TRPM1: variants seen among roughly 807,000 people sequenced by gnomAD.
The protein encoded by TRPM1 is TRPM1-203 APA Isoform, Intron 10.
In TRPM1, 113 loss-of-function variants were observed where a neutral mutation model predicts 149.4. The ratio of observed to expected loss-of-function variants is 0.76; its 90% CI spans 0.65 to 0.88. The LOEUF is 0.88. Among genes scored for constraint, TRPM1 ranks in the 40% least tolerant of loss-of-function variants. The pLI is 0.00. For missense variants in TRPM1, 1,976 were observed against 2,038.7 expected (o/e 0.97, Z 0.59); for synonymous variants, 741 against 759.5 (o/e 0.98, Z 0.40).
At chr15:31,048,281 A>G (rs1439324558) in intron 13 of TRPM1, among the ~76,000 whole-genome samples, 2 of 152,112 alleles carry the variant, frequency 1.3e-5, no homozygotes, top group Non-Finnish European at 2.9e-5. Flanking sequence ...ATAAATAAAT[A>G]AATAAATAAG....
intron 1 of TRPM1, among the ~76,000 whole-genome samples, chr15:31,155,081 G>A (rs2036350058): frequency 6.6e-6 from 1 of 152,168 alleles, no homozygotes; most frequent in Non-Finnish European, 1.5e-5. Flanking sequence ...GAACCCCTTG[G>A]GTGGTTACAA....
At position 31,067,889 on chromosome 15, in the gene TRPM1, A is replaced by C. The variant is rs1430945859; in HGVS notation, c.483T>G (p.Gly161=). The C allele has an allele frequency of 6.2e-7, 1 of 1,612,558 alleles. No individual in the cohort carries two copies. Among genetic ancestry groups the C allele is most frequent in the Non-Finnish European group, 8.5e-7 (1 of 1,179,876 alleles). Residue 161 remains glycine (G), a synonymous_variant, in exon 5 of 28, where the codon GGT becomes GGG. Coordinates refer to ENST00000256552, the MANE Select transcript of TRPM1 (RefSeq NM_001252024.2). ...AGGGCCTGCTCTTACCTGTGCTGAC[A>C]CCCCCGGTGAAGATCCAGGCCCCGG... ...MTTGAWIFTG[G]VSTGVISHVG...
rs2033149705 is a variant in TRPM1, at chr15:31,032,762, C to A, written c.2879G>T (p.Trp960Leu). ...RVIYCVDIIF[W>L]YIRVLDIFGV... is the part of the protein sequence containing the mutation. ...AAAGATGTCCAGGACACGGATGTACCAGAAGATGATATCCACACAGTAGAT... is the reference window on the plus strand; with the variant it reads ...AAAGATGTCCAGGACACGGATGTACAAGAAGATGATATCCACACAGTAGAT... The change falls in exon 22 of 28, where the codon TGG (tryptophan) becomes TTG (leucine). Residue 960 changes from tryptophan to leucine, a missense_variant. By Grantham distance (61) the Trp-to-Leu change is moderately conservative. Around this residue, in one of 3 missense-constraint regions of TRPM1, gnomAD observed 1,332 missense variants for 1,347.1 expected, o/e 0.99. Transcript: ENST00000256552. 6.2e-7 allele frequency: 1 copy of A among 1,614,134 alleles called. No individual in the cohort carries two copies. The highest frequency in any genetic ancestry group is 8.5e-7 in the Non-Finnish European group (1 of 1,180,030).
intron 27 of TRPM1, among the ~76,000 whole-genome samples, chr15:31,020,001 C>G (rs1257804951): frequency 6.6e-6 from 1 of 152,140 alleles, no homozygotes; most frequent in African/African-American, 2.4e-5. Context: ...CTTTTTCATT[C>G]TCTGTAATAA....
At chr15:31,030,392 A>C (rs946582967) in intron 23 of TRPM1, among the ~76,000 whole-genome samples, 1 of 152,212 alleles carries the variant, frequency 6.6e-6, no homozygotes, top group Non-Finnish European at 1.5e-5. Flanking sequence ...TGAGCTTTAC[A>C]TTCCTTCAAT....
At chr15:31,038,015 A>G (rs1312996389) in intron 19 of TRPM1, 29 bp downstream of exon 19, 1 of 1,614,000 alleles carries the variant, frequency 6.2e-7, no homozygotes, top group Non-Finnish European at 8.5e-7. Flanking sequence ...GATTACACTG[A>G]TATGCTTAGG....
chr15:31,133,719 C>G (rs1422108834), intron 1 of TRPM1, among the ~76,000 whole-genome samples: 1 of 151,784 alleles, frequency 6.6e-6, no homozygotes, highest in Non-Finnish European at 1.5e-5. Flanking sequence ...GGGTGGGAAA[C>G]TGAAGGAAAA....
At chr15:31,130,195 C>T (rs1018095890) in intron 1 of TRPM1, among the ~76,000 whole-genome samples, 1 of 152,226 alleles carries the variant, frequency 6.6e-6, no homozygotes. Flanking sequence ...CAGTGTCTTA[C>T]CTGGCATCTG....
chr15:31,151,247 G>A (rs1183261128), intron 1 of TRPM1, among the ~76,000 whole-genome samples: 2 of 152,168 alleles, frequency 1.3e-5, no homozygotes, highest in Non-Finnish European at 2.9e-5. Flanking sequence ...ACTCTGGTGA[G>A]GGTTGAAGCA....
chr15:31,141,804 T>C (rs1378044830), intron 1 of TRPM1, among the ~76,000 whole-genome samples: 1 of 152,202 alleles, frequency 6.6e-6, no homozygotes, highest in Non-Finnish European at 1.5e-5. Flanking sequence ...TGGTTAAAAT[T>C]GGTTGTGAGG....
At chr15:31,069,078 T>C (rs970667373) in intron 4 of TRPM1, among the ~76,000 whole-genome samples, 1 of 152,246 alleles carries the variant, frequency 6.6e-6, no homozygotes, top group East Asian at 1.9e-4. Context: ...ATTTGGGACA[T>C]ACTTGTACTG....
rs751473359 is a variant in TRPM1 at position 31,066,146 on chromosome 15, G to C, written c.720C>G (p.Gly240=). 1 of 1,614,162 alleles carries C rather than the reference G, an allele frequency of 6.2e-7. No individual in the cohort carries two copies. Among genetic ancestry groups the C allele is most frequent in the South Asian group, 1.1e-5 (1 of 91,076 alleles). ...GCAGCTTCACCTCGGCGCCATACTTGCCCAGGGTGCCATTGTCAGCCAGGA... is the reference window on the plus strand; with the variant it reads ...GCAGCTTCACCTCGGCGCCATACTTCCCCAGGGTGCCATTGTCAGCCAGGA... The part of the protein sequence containing the change: ...HFILADNGTL[G]KYGAEVKLRR... The change falls in exon 7 of 28, where the codon GGC becomes GGG. Residue 240 remains glycine (G), a synonymous_variant. Transcript: ENST00000256552.
intron 16 of TRPM1, 126 bp from the exon 17 acceptor site, chr15:31,042,369 C>T: frequency 2.1e-6 from 2 of 930,252 alleles, no homozygotes; most frequent in South Asian, 1.5e-5. Context: ...GTACATCTTA[C>T]ATTTCCACTC....
chr15:31,113,416 A>C (rs116325205), intron 1 of TRPM1, among the ~76,000 whole-genome samples: 1 of 139,468 alleles, frequency 7.2e-6, no homozygotes, highest in Non-Finnish European at 1.6e-5. Flanking sequence ...ACAGAATTCA[A>C]TACCCAGCTC....
At chr15:31,139,975 A>C (rs2036138390) in intron 1 of TRPM1, among the ~76,000 whole-genome samples, 1 of 152,228 alleles carries the variant, frequency 6.6e-6, no homozygotes, top group African/African-American at 2.4e-5. Context: ...AGGCATTTCT[A>C]AGTTAAAACA....
Position 31,008,767 on chromosome 15 carries a change from CA to C in TRPM1, c.3630-5698del, listed in dbSNP as rs549596257. On this transcript the variant is annotated intron_variant, in intron 27 of 27. Transcript: ENST00000256552. ...ATTACAAATAGATAGCAACATTTCA[CA>C]GTATACATAGCATCAGTATTTTACC... Among the ~76,000 whole-genome samples, 276 of 152,302 alleles carry C rather than the reference CA, an allele frequency of 1.8e-3. 3 individuals carry two copies. Among genetic ancestry groups the C allele is most frequent in the Middle Eastern group, 0.01 (3 of 294 alleles).
rs191510027 is a variant in TRPM1, at chr15:31,095,454, G to A, written c.-84+6203C>T. On this transcript the variant is annotated intron_variant, in intron 1 of 27. Transcript: ENST00000256552. The stretch of plus-strand genomic sequence containing the variant: ...AATCCCAGCACTTTGGGAGGCCGAG[G>A]CGGGTGGATCACCTGAGGTCAGGAG... Among the ~76,000 whole-genome samples, 495 of 152,278 alleles carry A rather than the reference G, an allele frequency of 3.3e-3. 2 individuals carry two copies. The highest frequency in any genetic ancestry group is 5.0e-3 in the Non-Finnish European group (340 of 68,014).
Position 31,144,265 on chromosome 15 carries a change from G to A in TRPM1, c.54+16641C>T, listed in dbSNP as rs74851255. The stretch of plus-strand genomic sequence containing the variant: ...CAGCCTGGGCAACATGGCAAAACCC[G>A]TCTCTACAAAAAAAATACAAAAATT... On this transcript the variant is annotated intron_variant, in intron 1 of 26. Transcript: ENST00000542188. 5.1e-4 allele frequency among the ~76,000 whole-genome samples: 77 copies of A among 152,142 alleles called. No homozygotes were observed. In the East Asian group the frequency reaches 0.012, roughly 23 times the overall value.
chr15:31,149,953 T>G (rs2036277966), intron 1 of TRPM1, among the ~76,000 whole-genome samples: 1 of 152,224 alleles, frequency 6.6e-6, no homozygotes, highest in Non-Finnish European at 1.5e-5. Context: ...TTTTCTGTCT[T>G]TCTTTCTTAA....
Sources: allele counts gnomAD v4.1 joint callset (sites outside exome capture counted in the v4.1 genomes callset), GRCh38; gene constraint gnomAD v4.1.1; regional missense constraint gnomAD v4.1.1; transcripts MANE v1.5; gene names NCBI Gene and HGNC (gene_info 2026-07-23, HGNC 2026-07-21).